USP30: variants seen among roughly 807,000 people sequenced by gnomAD.
USP30 encodes ubiquitin carboxyl-terminal hydrolase 30.
Under a neutral mutation model 68.2 loss-of-function variants are expected in USP30, and 41 were observed. The observed-to-expected ratio is 0.60, with a 90% CI of 0.47 to 0.78. The LOEUF is 0.78. USP30 is among the 30% of genes least tolerant of loss of function. USP30 has a pLI of 0.00. For synonymous variants in USP30, 229 were observed against 253.7 expected (o/e 0.90, Z 0.93); for missense variants, 522 against 649.4 (o/e 0.80, Z 2.13).
chr12:109,079,808 T>C (rs1354482848), intron 7 of USP30, among the ~76,000 whole-genome samples: 1 of 152,224 alleles, frequency 6.6e-6, no homozygotes, highest in East Asian at 1.9e-4. Flanking sequence ...GTTCATTCAC[T>C]GTCACTGTAT....
In USP30 at chr12:109,085,045, T is replaced by G; in HGVS notation, c.1261T>G (p.Phe421Val). 1 of 1,599,404 alleles carries G rather than the reference T, an allele frequency of 6.3e-7. No homozygotes were observed. Among genetic ancestry groups the G allele is most frequent in the South Asian group, 1.1e-5 (1 of 88,536 alleles). The change falls in exon 12 of 13, where the codon TTC (phenylalanine) becomes GTC (valine). Residue 421 changes from phenylalanine to valine, a missense_variant. Transcript: ENST00000257548. ...GCCAACGCTGTCAGCGCCGATGCCC[T>G]TCCCTCTCCCAGTTGTTCCCGACTA... ...LLPTLSAPMP[F>V]PLPVVPDYSS...
At chr12:109,049,567 C>G (rs903688805), upstream of USP30, among the ~76,000 whole-genome samples, 2 of 151,086 alleles carry the variant, frequency 1.3e-5, no homozygotes, top group African/African-American at 4.9e-5. Flanking sequence ...GTAATCCCAG[C>G]ACTTTGGGAG....
At position 109,085,570 on chromosome 12, in the gene USP30, T is replaced by A. The variant is rs527834123; in HGVS notation, c.1290-97T>A. The A allele has an allele frequency of 5.6e-6, 8 of 1,440,600 alleles. No individual in the cohort carries two copies. The South Asian group carries it at 7.7e-5, about 14-fold the overall frequency. 89.2% of individuals were successfully genotyped at this position (1,440,600 alleles called of 1,614,324 possible). A position where few individuals can be genotyped will look rare whatever the true frequency, so the allele number is the denominator to read the frequency against. On this transcript the variant is annotated intron_variant, in intron 12 of 12. Transcript: ENST00000257548. ...ATTTGGTGGTATGGACTTACCATTG[T>A]ATTCATCCCCTATTTAACATTAGCA...
intron 12 of USP30, among the ~76,000 whole-genome samples, chr12:109,085,368 A>G (rs1003176702): frequency 6.6e-6 from 1 of 152,238 alleles, no homozygotes. Flanking sequence ...GAGATAGCCA[A>G]TTAAACACTT....
intron 11 of USP30, among the ~76,000 whole-genome samples, chr12:109,084,724 C>T (rs554904878): frequency 9.1e-4 from 139 of 152,270 alleles, no homozygotes; most frequent in African/African-American, 3.1e-3. Context: ...CCAGGCTAGC[C>T]GTAAAGCTGG....
chr12:109,086,835 A>T lies in USP30; in HGVS notation c.*904A>T, dbSNP rs2041958114. 6.6e-6 allele frequency: 1 copy of T among 152,178 alleles called. No homozygotes were observed. The highest frequency in any genetic ancestry group is 1.5e-5 in the Non-Finnish European group (1 of 68,056). 9.4% of individuals were successfully genotyped at this position (152,178 alleles called of 1,614,324 possible). ...TACAGGTGGGAGCTTGGGGCTGTAT[A>T]AAAAAATAATCCCTGCCCTGAGTTG... On this transcript the variant is annotated 3_prime_UTR_variant, in exon 13 of 13. Coordinates refer to ENST00000257548, the MANE Select transcript of USP30 (RefSeq NM_032663.5).
intron 7 of USP30, among the ~76,000 whole-genome samples, chr12:109,078,415 C>A: frequency 6.7e-6 from 1 of 149,770 alleles, no homozygotes; most frequent in Non-Finnish European, 1.5e-5. Context: ...CAGAGTGAGA[C>A]TGAGTCTCAA....
intron 2 of USP30, among the ~76,000 whole-genome samples, chr12:109,025,340 T>A (rs1479766465): frequency 6.6e-6 from 1 of 151,872 alleles, no homozygotes; most frequent in Non-Finnish European, 1.5e-5. Flanking sequence ...ATCTATGTAA[T>A]ATATTATATT....
intron 1 of USP30, 68 bp downstream of exon 1, chr12:109,052,829 G>A: frequency 7.3e-7 from 1 of 1,362,630 alleles, no homozygotes; most frequent in Non-Finnish European, 9.5e-7. Context: ...GCCCGTGACG[G>A]CTTTTTCATG....
intron 3 of USP30, among the ~76,000 whole-genome samples, chr12:109,064,119 G>A (rs1244712354): frequency 6.6e-6 from 1 of 152,038 alleles, no homozygotes; most frequent in Non-Finnish European, 1.5e-5. Context: ...TGATCTGCCT[G>A]TGTCAGGCCC....
intron 2 of USP30, among the ~76,000 whole-genome samples, chr12:109,026,147 C>G (rs965773768): frequency 2.0e-5 from 3 of 152,080 alleles, no homozygotes; most frequent in Non-Finnish European, 2.9e-5. Flanking sequence ...GCAATCTCAG[C>G]TAACTGCTAC....
intron 2 of USP30, 87 bp downstream of exon 2, chr12:109,056,878 G>T: frequency 1.1e-6 from 1 of 873,004 alleles, no homozygotes; most frequent in Non-Finnish European, 1.7e-6. Flanking sequence ...TGGGGAGGTT[G>T]GTCATATTTG....
rs71079521 is a variant in USP30 at position 109,079,351 on chromosome 12, C to CTTTTTTTTTTTTTTTTTTTTT, written c.721-1975_721-1955dup. 2.2e-3 allele frequency among the ~76,000 whole-genome samples: 109 copies of CTTTTTTTTTTTTTTTTTTTTT among 48,806 alleles called. 15 individuals carry two copies. Among genetic ancestry groups the CTTTTTTTTTTTTTTTTTTTTT allele is most frequent in the African/African-American group, 3.0e-3 (35 of 11,840 alleles). 32.0% of individuals were successfully genotyped at this position (48,806 alleles called of 152,430 possible). A position where few individuals can be genotyped will look rare whatever the true frequency, so the allele number is the denominator to read the frequency against. ...TTCTTTTCTTTTTCTTTTTTTTTTT[C>CTTTTTTTTTTTTTTTTTTTTT]TTTTTTTTTTTTTTTTTTTTTTTTT... is the stretch of plus-strand genomic sequence containing the variant. On this transcript the variant is annotated intron_variant, in intron 7 of 12. Transcript: ENST00000257548.
chr12:109,079,333 CTTTTTCTTTTTTTTTTTCTTTTTT>C (rs1566103543), intron 7 of USP30, among the ~76,000 whole-genome samples: 1 of 34,578 alleles, frequency 2.9e-5, no homozygotes, highest in African/African-American at 9.9e-5. Context: ...TTTTTCTTTT[CTTTTTCTTTTTTTTTTTCTTTTTT>C]TTTTTTTTTT....
In USP30 at chr12:109,087,259, T is replaced by G. The variant is rs1323056153; in HGVS notation, c.*1328T>G. ...CAAACCGACTCATCAGAGGTAAGAT[T>G]TGGAATCAGACCTTTCCAAAAGGTC... On this transcript the variant is annotated 3_prime_UTR_variant, in exon 13 of 13. Transcript: ENST00000257548. 6.6e-6 allele frequency: 1 copy of G among 152,136 alleles called. No individual in the cohort carries two copies. The highest frequency in any genetic ancestry group is 1.5e-5 in the Non-Finnish European group (1 of 68,038). 9.4% of individuals were successfully genotyped at this position (152,136 alleles called of 1,614,324 possible).
Position 109,056,700 on chromosome 12 carries a change from C to T in USP30, c.102C>T (p.Asn34=), listed in dbSNP as rs2040886751. The T allele has an allele frequency of 6.2e-7, 1 of 1,610,066 alleles. No homozygotes were observed. The highest frequency in any genetic ancestry group is 2.2e-5 in the East Asian group (1 of 44,772). Residue 34 remains asparagine, a synonymous_variant, in exon 2 of 13, where the codon AAC becomes AAT. Coordinates refer to ENST00000257548, the MANE Select transcript of USP30 (RefSeq NM_032663.5). ...GAAVRYKVMK[N]WGVIGGIAAA... ...TTTTTAGATATAAAGTCATGAAGAA[C>T]TGGGGAGTTATAGGTGGAATTGCTG...
intron 7 of USP30, among the ~76,000 whole-genome samples, chr12:109,076,410 C>CTTTTTTTTTTT (rs60618572): frequency 7.4e-6 from 1 of 135,658 alleles, no homozygotes; most frequent in African/African-American, 2.7e-5. Context: ...ATCTTTATTC[C>CTTTTTTTTTTT]TTTTTTTTTT....
chr12:109,031,683 G>A (rs972938169), intron 3 of USP30, among the ~76,000 whole-genome samples: 4 of 152,158 alleles, frequency 2.6e-5, no homozygotes, highest in Admixed American at 2.0e-4. Flanking sequence ...AATGAATGAC[G>A]TTCCAATAGA....
intron 11 of USP30, 52 bp from the exon 12 acceptor site, chr12:109,084,901 G>A (rs2135837406): frequency 1.3e-6 from 2 of 1,490,832 alleles, no homozygotes; most frequent in African/African-American, 2.8e-5. Flanking sequence ...ACCAGGTTTT[G>A]TTTACAGAGC....
Sources: allele counts gnomAD v4.1 joint callset (sites outside exome capture counted in the v4.1 genomes callset), GRCh38; gene constraint gnomAD v4.1.1; transcripts MANE v1.5; gene names NCBI Gene and HGNC (gene_info 2026-07-23, HGNC 2026-07-21).